Variants in EEFSEC observed in about 807,000 individuals in gnomAD.
EEFSEC encodes eukaryotic elongation factor, selenocysteine-tRNA specific.
Under a neutral mutation model 42.1 loss-of-function variants are expected in EEFSEC, and 43 were observed. The ratio of observed to expected loss-of-function variants is 1.02; its 90% CI spans 0.80 to 1.32. The LOEUF (loss-of-function observed/expected upper bound fraction) is 1.32, where lower values mean the gene tolerates loss of function less well. Among genes scored for constraint, EEFSEC ranks in the 40% most tolerant of loss-of-function variants. EEFSEC has a pLI of 0.00. For synonymous variants in EEFSEC, 354 were observed against 339.1 expected (o/e 1.04, Z -0.48); for missense variants, 745 against 803.6 (o/e 0.93, Z 0.88).
intron 1 of EEFSEC, among the ~76,000 whole-genome samples, chr3:128,244,686 C>A (rs909334563): frequency 3.9e-5 from 6 of 152,072 alleles, no homozygotes; most frequent in African/African-American, 1.4e-4. Context: ...AGCAGACAAC[C>A]AAGTCATTAG....
intron 1 of EEFSEC, among the ~76,000 whole-genome samples, chr3:128,222,903 T>A (rs2065874869): frequency 6.6e-6 from 1 of 152,250 alleles, no homozygotes; most frequent in South Asian, 2.1e-4. Flanking sequence ...GTGTCTCTGT[T>A]ACTCATGGTG....
intron 1 of EEFSEC, among the ~76,000 whole-genome samples, chr3:128,180,561 A>G (rs1309278416): frequency 6.6e-6 from 1 of 152,232 alleles, no homozygotes; most frequent in Non-Finnish European, 1.5e-5. Context: ...GACCTTAAAG[A>G]GTTGTGAGGA....
At chr3:128,328,393 G>A (rs11710704) in intron 4 of EEFSEC, among the ~76,000 whole-genome samples, 21,801 of 152,194 alleles carry the variant, frequency 0.14, 1,805 homozygotes, top group African/African-American at 0.23. Context: ...CAGAATGCAG[G>A]TAGGCAAGGT....
At chr3:128,399,748 C>T (rs1354551414) in intron 6 of EEFSEC, among the ~76,000 whole-genome samples, 1 of 151,868 alleles carries the variant, frequency 6.6e-6, no homozygotes, top group Admixed American at 6.6e-5. Context: ...CTCACACTGG[C>T]TCTCTCTGCC....
intron 1 of EEFSEC, among the ~76,000 whole-genome samples, chr3:128,174,960 A>C (rs928710819): frequency 2.6e-5 from 4 of 152,192 alleles, no homozygotes; most frequent in African/African-American, 4.8e-5. Context: ...GAATTTTTTT[A>C]AGGCAAAGAA....
intron 4 of EEFSEC, among the ~76,000 whole-genome samples, chr3:128,310,557 A>T (rs927768451): frequency 4.6e-5 from 7 of 152,192 alleles, no homozygotes; most frequent in African/African-American, 1.7e-4. Flanking sequence ...TTTTCTTTGT[A>T]GGCACACAAC....
intron 6 of EEFSEC, among the ~76,000 whole-genome samples, chr3:128,397,737 A>G (rs2067998533): frequency 6.6e-6 from 1 of 152,242 alleles, no homozygotes; most frequent in Admixed American, 6.5e-5. Context: ...TCTACTCATC[A>G]AGTGCATGTC....
At chr3:128,367,913 T>G in intron 6 of EEFSEC, 1 of 898,262 alleles carries the variant, frequency 1.1e-6, no homozygotes, top group South Asian at 5.1e-5. Context: ...AGCTGCCTCC[T>G]GCGATCACTT....
rs377063930 is a variant in EEFSEC, at chr3:128,198,729, G to A, written c.316+44906G>A. Among the ~76,000 whole-genome samples, 7 of 152,270 alleles carry A rather than the reference G, an allele frequency of 4.6e-5. No homozygotes were observed. In the South Asian group the frequency reaches 1.5e-3, roughly 32 times the overall value. On this transcript the variant is annotated intron_variant, in intron 1 of 6. Transcript: ENST00000254730. ...ACCTTTCTGTGAAGAGCCACACAAT[G>A]CAGAGGGAGGGAACCTATCACTTGG...
intron 4 of EEFSEC, among the ~76,000 whole-genome samples, chr3:128,286,210 G>A (rs1286395226): frequency 6.6e-6 from 1 of 152,174 alleles, no homozygotes; most frequent in East Asian, 1.9e-4. Flanking sequence ...GTTCATGAGG[G>A]ACATTCCCAG....
intron 4 of EEFSEC, among the ~76,000 whole-genome samples, chr3:128,296,829 G>A (rs1236961611): frequency 1.3e-4 from 20 of 152,244 alleles, no homozygotes; most frequent in Admixed American, 1.3e-3. Flanking sequence ...TACTCTGCGT[G>A]TGTTGGCCAG....
At chr3:128,406,530 C>T (rs1435854450) in intron 6 of EEFSEC, among the ~76,000 whole-genome samples, 2 of 152,046 alleles carry the variant, frequency 1.3e-5, no homozygotes, top group Admixed American at 6.5e-5. Context: ...TTCTCATCAC[C>T]AAAATAAGTA....
intron 4 of EEFSEC, among the ~76,000 whole-genome samples, chr3:128,323,035 C>T (rs2067025251): frequency 6.6e-6 from 1 of 152,174 alleles, no homozygotes; most frequent in African/African-American, 2.4e-5. Flanking sequence ...TTAACCTTAG[C>T]TACAACTGAT....
At chr3:128,240,710 A>G (rs1334838995) in intron 1 of EEFSEC, among the ~76,000 whole-genome samples, 2 of 152,246 alleles carry the variant, frequency 1.3e-5, no homozygotes, top group Admixed American at 6.5e-5. Context: ...ATGGGCTGCA[A>G]TGTGACTGAA....
chr3:128,328,946 T>C (rs2067095006), intron 4 of EEFSEC, among the ~76,000 whole-genome samples: 1 of 152,196 alleles, frequency 6.6e-6, no homozygotes, highest in Non-Finnish European at 1.5e-5. Flanking sequence ...GGGTTTGGAA[T>C]AGGATACCCT....
chr3:128,397,015 G>A (rs1001525487), intron 6 of EEFSEC, among the ~76,000 whole-genome samples: 8 of 152,168 alleles, frequency 5.3e-5, no homozygotes, highest in African/African-American at 1.9e-4. Context: ...ATGGTCCCCC[G>A]ACTGGTACCC....
At chr3:128,377,595 G>C (rs964600526) in intron 6 of EEFSEC, among the ~76,000 whole-genome samples, 3 of 152,234 alleles carry the variant, frequency 2.0e-5, no homozygotes, top group Admixed American at 6.5e-5. Flanking sequence ...CCTTGCCAAG[G>C]CCTTAATGGG....
chr3:128,185,654 T>C (rs1054155996), intron 1 of EEFSEC, among the ~76,000 whole-genome samples: 2 of 152,190 alleles, frequency 1.3e-5, no homozygotes, highest in African/African-American at 2.4e-5. Context: ...CTTGAACTCT[T>C]GGGCTCAAGC....
chr3:128,268,083 G>A (rs879430274), intron 4 of EEFSEC, among the ~76,000 whole-genome samples: 2 of 152,246 alleles, frequency 1.3e-5, no homozygotes, highest in Admixed American at 6.5e-5. Flanking sequence ...AAACAGAAGT[G>A]AGGCTAGGGG....
Sources: allele counts gnomAD v4.1 joint callset (sites outside exome capture counted in the v4.1 genomes callset), GRCh38; gene constraint gnomAD v4.1.1; transcripts MANE v1.5; gene names NCBI Gene and HGNC (gene_info 2026-07-23, HGNC 2026-07-21).